Variants in SLC20A2 observed in about 807,000 individuals in gnomAD.
SLC20A2 encodes the protein sodium-dependent phosphate transporter 2.
SLC20A2 carries 30 observed loss-of-function variants against 61.0 expected under a neutral mutation model. That is an observed-to-expected ratio of 0.49 (90% CI 0.37 to 0.67). SLC20A2 has a LOEUF of 0.67. Ranked by LOEUF, SLC20A2 falls within the 30% of genes least tolerant of loss-of-function variation. The pLI is 0.00. For missense variants in SLC20A2, 626 were observed against 866.4 expected, an observed-to-expected ratio of 0.72 and a Z score of 3.48; for synonymous variants, 351 against 353.3, an observed-to-expected ratio of 0.99 and a Z score of 0.07.
chr8:42,426,433 C>A (rs1372193161), intron 10 of SLC20A2, among the ~76,000 whole-genome samples: 1 of 152,090 alleles, frequency 6.6e-6, no homozygotes, highest in African/African-American at 2.4e-5. Flanking sequence ...CGGTGGCTCA[C>A]GCCTGTAATC....
chr8:42,493,359 C>T (rs1331964090), intron 1 of SLC20A2, among the ~76,000 whole-genome samples: 1 of 150,980 alleles, frequency 6.6e-6, no homozygotes, highest in Non-Finnish European at 1.5e-5. Context: ...GTAGTGAACG[C>T]TGGTGAGATA....
intron 1 of SLC20A2, among the ~76,000 whole-genome samples, chr8:42,516,748 A>G (rs80011938): frequency 1.3e-5 from 2 of 152,062 alleles, no homozygotes; most frequent in Non-Finnish European, 2.9e-5. Context: ...TCCATCCACC[A>G]CTAGTCCTGC....
intron 1 of SLC20A2, among the ~76,000 whole-genome samples, chr8:42,524,523 C>T (rs1811793366): frequency 6.6e-6 from 1 of 152,138 alleles, no homozygotes; most frequent in Admixed American, 6.6e-5. Flanking sequence ...CGCTGTGGCT[C>T]ACCCCTGTAA....
chr8:42,443,393 C>T (rs899416596), intron 6 of SLC20A2, among the ~76,000 whole-genome samples: 2 of 149,436 alleles, frequency 1.3e-5, no homozygotes, highest in African/African-American at 2.5e-5. Context: ...TGGCTCACTG[C>T]AACCTCTGCC....
chr8:42,428,688 G>T, intron 10 of SLC20A2, 70 bp downstream of exon 10: 1 of 1,376,448 alleles, frequency 7.3e-7, no homozygotes. Context: ...AGCTTCCCTT[G>T]CATGCGCTCC....
intron 10 of SLC20A2, among the ~76,000 whole-genome samples, chr8:42,420,071 AG>A (rs764266723): frequency 3.0e-4 from 45 of 152,100 alleles, no homozygotes; most frequent in Non-Finnish European, 4.9e-4. Context: ...CTGTAGTCCC[AG>A]CTACTTGGGT....
At chr8:42,436,822 TC>T (rs1472339646) in intron 8 of SLC20A2, among the ~76,000 whole-genome samples, 166 bp downstream of exon 8, 1 of 152,170 alleles carries the variant, frequency 6.6e-6, no homozygotes, top group Non-Finnish European at 1.5e-5. Context: ...CTGCTCGCTG[TC>T]CCGCACGCAA....
intron 1 of SLC20A2, among the ~76,000 whole-genome samples, chr8:42,510,974 C>T (rs1300326971): frequency 6.6e-6 from 1 of 152,004 alleles, no homozygotes; most frequent in East Asian, 1.9e-4. Context: ...GTTAAACCAC[C>T]TGGCCATGGT....
At chr8:42,488,635 G>A (rs1809243840) in intron 1 of SLC20A2, among the ~76,000 whole-genome samples, 1 of 152,158 alleles carries the variant, frequency 6.6e-6, no homozygotes, top group South Asian at 2.1e-4. Flanking sequence ...TTTGACAGCA[G>A]CCTCACCATT....
intron 5 of SLC20A2, among the ~76,000 whole-genome samples, chr8:42,449,280 T>A (rs761188449): frequency 2.6e-5 from 4 of 151,992 alleles, no homozygotes; most frequent in East Asian, 3.9e-4. Flanking sequence ...GAGCTCTGGG[T>A]CTCCGTTCTC....
chr8:42,441,531 C>T (rs911772823), intron 6 of SLC20A2, among the ~76,000 whole-genome samples: 18 of 150,406 alleles, frequency 1.2e-4, no homozygotes, highest in Admixed American at 2.7e-4. Context: ...TGCTGTGGCG[C>T]GATCTCGGAT....
Position 42,439,580 on chromosome 8 carries a change from G to C in SLC20A2, c.804C>G (p.Ser268=). The change falls in exon 7 of 11, where the codon TCC becomes TCG. Residue 268 remains serine, a synonymous_variant. Transcript: ENST00000520262. The part of the protein sequence containing the change: ...ESLSKVQEAE[S]PVFKELPGAK... ...CACCTGGTAGCTCTTTAAATACTGGGGACTCTGCTTCCTGAACCTTACTGA... is the reference window on the plus strand; with the variant it reads ...CACCTGGTAGCTCTTTAAATACTGGCGACTCTGCTTCCTGAACCTTACTGA... The C allele has an allele frequency of 6.2e-7, 1 of 1,614,084 alleles. No individual in the cohort carries two copies. The highest frequency in any genetic ancestry group is 1.1e-5 in the South Asian group (1 of 91,078).
At chr8:42,539,955 T>C (rs1812967755) in intron 1 of SLC20A2, among the ~76,000 whole-genome samples, 1 of 152,238 alleles carries the variant, frequency 6.6e-6, no homozygotes, top group Admixed American at 6.5e-5. Context: ...TAACATTTTA[T>C]ATTGCCAACA....
intron 2 of SLC20A2, chr8:42,471,139 A>G (rs745389791): frequency 2.2e-6 from 1 of 456,022 alleles, no homozygotes; most frequent in South Asian, 1.5e-5. Flanking sequence ...TTCCTCTCTA[A>G]CCCTCTTCTC....
chr8:42,482,843 T>C (rs371186200), intron 1 of SLC20A2, among the ~76,000 whole-genome samples: 1 of 151,606 alleles, frequency 6.6e-6, no homozygotes, highest in East Asian at 1.9e-4. Flanking sequence ...CTGGCCAACA[T>C]GGTGAAAATC....
At chr8:42,438,705 G>A (rs367619435) in intron 7 of SLC20A2, among the ~76,000 whole-genome samples, 5 of 151,696 alleles carry the variant, frequency 3.3e-5, no homozygotes, top group African/African-American at 1.2e-4. Context: ...GAATGGTCTG[G>A]ATTTTTTCTT....
chr8:42,487,509 T>C lies in SLC20A2; in HGVS notation c.-265+13522A>G, dbSNP rs959374356. Among the ~76,000 whole-genome samples the C allele has an allele frequency of 4.5e-4, 68 of 152,298 alleles. 1 individual carries two copies. Among genetic ancestry groups the C allele is most frequent in the Non-Finnish European group, 7.8e-4 (53 of 68,030 alleles). ...AAGTGTTGAAATACTGTTTTCTGCTTTCTGCCCCTTCTCTGTCGGTTCTCC... is the reference window on the plus strand; with the variant it reads ...AAGTGTTGAAATACTGTTTTCTGCTCTCTGCCCCTTCTCTGTCGGTTCTCC... On this transcript the variant is annotated intron_variant, in intron 1 of 10. Coordinates refer to ENST00000520262, the MANE Select transcript of SLC20A2 (RefSeq NM_001257180.2).
chr8:42,504,479 GATAA>G (rs776616579), upstream of SLC20A2, among the ~76,000 whole-genome samples: 11 of 151,912 alleles, frequency 7.2e-5, no homozygotes, highest in East Asian at 1.9e-4. Context: ...CTAAAAGGAA[GATAA>G]ATAAACAAAA....
intron 2 of SLC20A2, among the ~76,000 whole-genome samples, chr8:42,467,512 C>T (rs1807269042): frequency 6.6e-6 from 1 of 152,198 alleles, no homozygotes; most frequent in Non-Finnish European, 1.5e-5. Flanking sequence ...ATTCTGGAAA[C>T]CTGGTTGCCT....
Sources: allele counts gnomAD v4.1 joint callset (sites outside exome capture counted in the v4.1 genomes callset), GRCh38; gene constraint gnomAD v4.1.1; transcripts MANE v1.5; gene names NCBI Gene and HGNC (gene_info 2026-07-23, HGNC 2026-07-21).